Variants in SALL3 observed in about 807,000 individuals in gnomAD.
SALL3 encodes the protein spalt like transcription factor 3.
A neutral mutation model predicts 66.2 loss-of-function variants in SALL3; 25 were observed. The observed-to-expected ratio is 0.38, with a 90% CI of 0.28 to 0.53. The LOEUF (loss-of-function observed/expected upper bound fraction) is 0.53. Ranked by LOEUF, SALL3 falls within the 20% of genes least tolerant of loss-of-function variation. The pLI is 0.85. For missense variants in SALL3, 2,194 were observed against 1,916.5 expected, an observed-to-expected ratio of 1.14 and a Z score of -2.70; for synonymous variants, 1,152 against 899.1, an observed-to-expected ratio of 1.28 and a Z score of -5.03.
In SALL3 at chr18:78,994,957, A is replaced by G. The variant is rs1458888861; in HGVS notation, c.2966A>G (p.Lys989Arg). ...CGVCGKPFACKSALEIHYRSH... is the reference protein window; with the variant it reads ...CGVCGKPFACRSALEIHYRSH... ...GTCTGTGGCAAGCCTTTTGCTTGCA[A>G]GAGCGCGTTGGAAATCCACTACCGC... Residue 989 changes from lysine to arginine, a missense_variant, in exon 2 of 3, where the codon AAG becomes AGG. Coordinates refer to ENST00000537592, the MANE Select transcript of SALL3 (RefSeq NM_171999.4). The G allele has an allele frequency of 3.7e-6, 6 of 1,613,642 alleles. No homozygotes were observed. The highest frequency in any genetic ancestry group is 2.7e-5 in the African/African-American group (2 of 74,946).
chr18:78,987,174 T>C (rs1914273398), intron 1 of SALL3, among the ~76,000 whole-genome samples: 1 of 152,214 alleles, frequency 6.6e-6, no homozygotes, highest in Admixed American at 6.5e-5. Context: ...CAATGATGTT[T>C]TTCACTTGTG....
chr18:78,993,682 C>A lies in SALL3; in HGVS notation c.1691C>A (p.Ala564Asp). ...CCCTCGCCCGCCTCCAGCGAGTGCG[C>A]CTCCTTGTCCCCAGGCCTCAACCAC... ...QRPSPASSEC[A>D]SLSPGLNHVE... The change falls in exon 2 of 3, where the codon GCC becomes GAC. Residue 564 changes from alanine (A) to aspartate (D), a missense_variant. Coordinates refer to ENST00000537592, the MANE Select transcript of SALL3 (RefSeq NM_171999.4). The A allele has an allele frequency of 6.3e-7, 1 of 1,583,428 alleles. No homozygotes were observed.
At position 78,994,439 on chromosome 18, in the gene SALL3, C is replaced by T. The variant is rs201958081; in HGVS notation, c.2448C>T (p.Thr816=). The T allele has an allele frequency of 1.4e-4, 227 of 1,612,116 alleles. No homozygotes were observed. The highest frequency in any genetic ancestry group is 1.8e-4 in the Non-Finnish European group (212 of 1,179,822). ...ACGCTGAGCTGAAGGACGCGGCCACCGACCCGGCCAAGCCACTCCTGTCCT... is the reference window on the plus strand; with the variant it reads ...ACGCTGAGCTGAAGGACGCGGCCACTGACCCGGCCAAGCCACTCCTGTCCT... The part of the protein sequence containing the change: ...EDDAELKDAA[T]DPAKPLLSYA... Residue 816 remains threonine, a synonymous_variant, in exon 2 of 3, where the codon ACC becomes ACT. Transcript: ENST00000537592.
chr18:78,995,471 A>G lies in SALL3; in HGVS notation c.3471+9A>G. On this transcript the variant is annotated intron_variant, in intron 2 of 2. Transcript: ENST00000537592. ...CTAAGGGCAACCTCAAGGTAAGAGCATGGCAGGCTCCAGCCCCGGCTGCGG... is the reference window on the plus strand; with the variant it reads ...CTAAGGGCAACCTCAAGGTAAGAGCGTGGCAGGCTCCAGCCCCGGCTGCGG... 1 of 1,535,160 alleles carries G rather than the reference A, an allele frequency of 6.5e-7. No homozygotes were observed. The highest frequency in any genetic ancestry group is 1.3e-5 in the South Asian group (1 of 79,810).
chr18:78,995,302 C>T lies in SALL3; in HGVS notation c.3311C>T (p.Pro1104Leu). The stretch of plus-strand genomic sequence containing the variant: ...CCGGGCCTGGCGCCCATGCTGGCCC[C>T]CCCACCGCGCCGGACGCCCAAGCAG... ...MGPGLAPMLA[P>L]PPRRTPKQHN... The change falls in exon 2 of 3, where the codon CCC (proline) becomes CTC (leucine). Residue 1104 changes from proline to leucine, a missense_variant. Pro to Leu is a moderately conservative substitution (Grantham distance 98, BLOSUM62 -3). Transcript: ENST00000537592. 2 of 1,571,948 alleles carry T rather than the reference C, an allele frequency of 1.3e-6. No homozygotes were observed. Among genetic ancestry groups the T allele is most frequent in the Non-Finnish European group, 1.7e-6 (2 of 1,164,310 alleles).
At position 78,992,303 on chromosome 18, in the gene SALL3, C is replaced by T. The variant is rs781450911; in HGVS notation, c.312C>T (p.Ser104=). The T allele has an allele frequency of 6.6e-7, 1 of 1,514,632 alleles. No individual in the cohort carries two copies. Among genetic ancestry groups the T allele is most frequent in the Non-Finnish European group, 8.8e-7 (1 of 1,140,534 alleles). The allele number at this position is 1,514,632 out of a possible 1,614,324, so 93.8% of individuals were successfully genotyped here. ...AGCCTTCGCCCGCCAGCTCCCCCAGCGAGCGCGCCGAAAGCGAGGCGGCCG... is the reference window on the plus strand; with the variant it reads ...AGCCTTCGCCCGCCAGCTCCCCCAGTGAGCGCGCCGAAAGCGAGGCGGCCG... ...FPEPSPASSP[S]ERAESEAAEE... is the part of the protein sequence containing the mutation. The change falls in exon 2 of 3, where the codon AGC becomes AGT. Residue 104 remains serine (S), a synonymous_variant. Coordinates refer to ENST00000537592, the MANE Select transcript of SALL3 (RefSeq NM_171999.4).
chr18:78,993,472 G>C lies in SALL3; in HGVS notation c.1481G>C (p.Cys494Ser). The C allele has an allele frequency of 6.2e-7, 1 of 1,612,528 alleles. No homozygotes were observed. The highest frequency in any genetic ancestry group is 8.5e-7 in the Non-Finnish European group (1 of 1,179,854). ...VPEYLDNVPT[C>S]SGIPYGMSLP... The stretch of plus-strand genomic sequence containing the variant: ...GAGTACCTGGACAACGTGCCCACCT[G>C]CTCGGGCATCCCCTACGGCATGTCG... Residue 494 changes from cysteine to serine, a missense_variant, in exon 2 of 3, where the codon TGC becomes TCC. By Grantham distance (112) the Cys-to-Ser change is moderately radical. Transcript: ENST00000537592.
At chr18:78,995,484 G>T (rs1914658806) in intron 2 of SALL3, 22 bp downstream of exon 2, 1 of 1,509,678 alleles carries the variant, frequency 6.6e-7, no homozygotes, top group Non-Finnish European at 8.8e-7. Flanking sequence ...GCAGGCTCCA[G>T]CCCCGGCTGC....
At position 78,995,062 on chromosome 18, in the gene SALL3, TACTG is replaced by T. The variant is rs1914639097; in HGVS notation, c.3074_3077del (p.Leu1025HisfsTer4). 3 of 1,613,760 alleles carry T rather than the reference TACTG, an allele frequency of 1.9e-6. No homozygotes were observed. The highest frequency in any genetic ancestry group is 2.2e-5 in the South Asian group (2 of 91,084). On this transcript the variant is annotated frameshift_variant, in exon 2 of 3. Transcript: ENST00000537592. LOFTEE classifies it high-confidence loss of function. The stretch of plus-strand genomic sequence containing the variant: ...ACTATGGGTAATTTAAAACAGCACT[TACTG>T]ACACACAGATTGAAAGAGCTGCCTT...
At chr18:78,982,088 C>T (rs149001928) in intron 1 of SALL3, among the ~76,000 whole-genome samples, 1 of 152,160 alleles carries the variant, frequency 6.6e-6, no homozygotes, top group African/African-American at 2.4e-5. Context: ...AGAGTAAACC[C>T]CCTGGTATTT....
Position 78,993,736 on chromosome 18 carries a change from A to G in SALL3, c.1745A>G (p.Glu582Gly). 1.3e-6 allele frequency: 2 copies of G among 1,549,850 alleles called. No individual in the cohort carries two copies. Among genetic ancestry groups the G allele is most frequent in the Admixed American group, 3.8e-5 (2 of 52,868 alleles). Residue 582 changes from glutamate to glycine, a missense_variant, in exon 2 of 3, where the codon GAG (glutamate) becomes GGG (glycine). By Grantham distance (98) the Glu-to-Gly change is moderately conservative. Transcript: ENST00000537592. Reference protein sequence around the residue: ...HVESGVSATAESPQSLLGGPP... With the variant: ...HVESGVSATAGSPQSLLGGPP... ...GAGTCCGGCGTGTCGGCCACCGCCGAGTCCCCACAGTCGCTCCTCGGCGGG... is the reference window on the plus strand; with the variant it reads ...GAGTCCGGCGTGTCGGCCACCGCCGGGTCCCCACAGTCGCTCCTCGGCGGG...
At chr18:78,987,096 A>G (rs1244013721) in intron 1 of SALL3, among the ~76,000 whole-genome samples, 2 of 151,918 alleles carry the variant, frequency 1.3e-5, no homozygotes, top group Non-Finnish European at 2.9e-5. Flanking sequence ...GTAATTTCTC[A>G]TGTAAAACCA....
rs910806113 is a variant in SALL3 at position 78,997,029 on chromosome 18, G to A, written c.3610G>A (p.Ala1204Thr). ...GTTCCAGAAGGACCTGGCAGCTCGG[G>A]CAATGAACGTCGACCCCAGTTTTTG... is the stretch of plus-strand genomic sequence containing the variant. ...EMFQKDLAAR[A>T]MNVDPSFWNQ... The change falls in exon 3 of 3, where the codon GCA (alanine) becomes ACA (threonine). Residue 1204 changes from alanine (A) to threonine (T), a missense_variant. Physicochemically the swap from Ala to Thr is moderately conservative, Grantham distance 58. Transcript: ENST00000537592. 3.2e-5 allele frequency: 51 copies of A among 1,614,072 alleles called. No individual in the cohort carries two copies. In the East Asian group the frequency reaches 1.1e-3, roughly 36 times the overall value.
Position 78,997,290 on chromosome 18 carries a change from A to G in SALL3, c.3871A>G (p.Ile1291Val), listed in dbSNP as rs949052327. The G allele has an allele frequency of 1.9e-6, 3 of 1,613,852 alleles. No homozygotes were observed. The highest frequency in any genetic ancestry group is 1.3e-5 in the African/African-American group (1 of 74,906). Residue 1291 changes from isoleucine (I) to valine (V), a missense_variant, in exon 3 of 3, where the codon ATC becomes GTC. Physicochemically the swap from Ile to Val is conservative, Grantham distance 29. Transcript: ENST00000537592. ...AGCCAGCCGCCCATTCACGCGGTTTATCGAGGATAACAAGGAGATTGGTAT... is the reference window on the plus strand; with the variant it reads ...AGCCAGCCGCCCATTCACGCGGTTTGTCGAGGATAACAAGGAGATTGGTAT... ...TAASRPFTRF[I>V]EDNKEIGIN
chr18:78,987,130 A>G (rs1444098322), intron 1 of SALL3, among the ~76,000 whole-genome samples: 1 of 152,168 alleles, frequency 6.6e-6, no homozygotes. Flanking sequence ...GTTTGCTTGG[A>G]AATCACATAG....
Position 78,994,721 on chromosome 18 carries a change from C to G in SALL3, c.2730C>G (p.Ser910Arg). The G allele has an allele frequency of 6.2e-7, 1 of 1,604,008 alleles. No individual in the cohort carries two copies. Among genetic ancestry groups the G allele is most frequent in the East Asian group, 2.2e-5 (1 of 44,820 alleles). Residue 910 changes from serine to arginine, a missense_variant, in exon 2 of 3, where the codon AGC becomes AGG. Ser to Arg is a moderately radical substitution (Grantham distance 110, BLOSUM62 -1). Transcript: ENST00000537592. ...CGCAGGCCCTGTCGCCGGCCCCCAG[C>G]AATGGTGAGAGCTTCCGCTCCAAGT... ...SSSQALSPAP[S>R]NGESFRSKSP...
chr18:78,990,903 T>G (rs1358023920), intron 1 of SALL3, among the ~76,000 whole-genome samples: 1 of 152,212 alleles, frequency 6.6e-6, no homozygotes, highest in African/African-American at 2.4e-5. Context: ...GTATGTTGGT[T>G]TCTCATTCCT....
At chr18:78,982,096 T>G (rs1282640589) in intron 1 of SALL3, among the ~76,000 whole-genome samples, 1 of 152,224 alleles carries the variant, frequency 6.6e-6, no homozygotes, top group Non-Finnish European at 1.5e-5. Context: ...CCCCCTGGTA[T>G]TTAACAATTA....
rs748531744 is a variant in SALL3, at chr18:78,994,477, G to GCCCGCCCTC, written c.2496_2504dup (p.Pro833_Ser835dup). On this transcript the variant is annotated inframe_insertion, in exon 2 of 3. Transcript: ENST00000537592. Reference sequence around the variant, plus strand: ...CCACTCCTGTCCTACGCGGGGTCCTGCCCGCCCTCCCCGCCCTCGGTCATC... The same window carrying GCCCGCCCTC: ...CCACTCCTGTCCTACGCGGGGTCCTGCCCGCCCTCCCCGCCCTCCCCGCCCTCGGTCATC... 14 of 1,603,356 alleles carry GCCCGCCCTC rather than the reference G, an allele frequency of 8.7e-6. No homozygotes were observed. The highest frequency in any genetic ancestry group is 3.3e-5 in the South Asian group (3 of 90,474).
Sources: gnomAD v4.1 joint callset for allele counts (sites outside exome capture counted in the v4.1 genomes callset) on GRCh38, gnomAD v4.1.1 for gene constraint, MANE v1.5 for transcripts, NCBI Gene and HGNC (gene_info 2026-07-23, HGNC 2026-07-21) for gene names.